Variants in PEAK1 observed in about 807,000 individuals in gnomAD.
The protein encoded by PEAK1 is inactive tyrosine-protein kinase PEAK1.
A neutral mutation model predicts 124.7 loss-of-function variants in PEAK1; 54 were observed. That is an observed-to-expected ratio of 0.43 (90% confidence interval 0.35 to 0.54). The LOEUF (loss-of-function observed/expected upper bound fraction) is 0.54, where lower values mean the gene tolerates loss of function less well. Ranked by LOEUF, PEAK1 falls within the 20% of genes least tolerant of loss-of-function variation. The probability of loss-of-function intolerance (pLI) is 0.01; values close to 1 mark genes in which losing one functional copy is unlikely to be tolerated. For synonymous variants in PEAK1, 719 were observed against 760.0 expected (o/e 0.95, Z 0.89); for missense variants, 2,046 against 2,134.5 (o/e 0.96, Z 0.82).
chr15:77,334,820 A>G, intron 2 of PEAK1: 1 of 985,308 alleles, frequency 1.0e-6, no homozygotes, highest in South Asian at 4.7e-5. Flanking sequence ...CTAATTTGCT[A>G]TTCACTGCAT....
chr15:77,321,342 G>C (rs2065202641), intron 2 of PEAK1, among the ~76,000 whole-genome samples: 1 of 152,100 alleles, frequency 6.6e-6, no homozygotes, highest in South Asian at 2.1e-4. Flanking sequence ...ACTTTTTAAT[G>C]ATCGCCATTC....
At chr15:77,272,602 C>T (rs949288159) in intron 5 of PEAK1, among the ~76,000 whole-genome samples, 3 of 151,540 alleles carry the variant, frequency 2.0e-5, no homozygotes, top group African/African-American at 7.3e-5. Flanking sequence ...AAGCAACAAG[C>T]ATGAAATGGT....
chr15:77,294,413 A>G (rs988242672), intron 2 of PEAK1, among the ~76,000 whole-genome samples: 2 of 152,242 alleles, frequency 1.3e-5, no homozygotes, highest in African/African-American at 4.8e-5. Flanking sequence ...GAAATAATAT[A>G]CCATTTTACT....
Position 77,181,289 on chromosome 15 carries a change from C to G in PEAK1, c.638G>C (p.Gly213Ala). Reference protein sequence around the residue: ...ETQGKHVILSGSTEVISNEGG... With the variant: ...ETQGKHVILSASTEVISNEGG... ...TTCATTACTAATCACTTCTGTGCTC[C>G]CACTCAGAATAACATGCTTGCCCTG... Residue 213 changes from glycine (G) to alanine (A), a missense_variant, in exon 7 of 10, where the codon GGG (glycine) becomes GCG (alanine). Transcript: ENST00000682557. The G allele has an allele frequency of 6.2e-7, 1 of 1,614,074 alleles. No homozygotes were observed. The highest frequency in any genetic ancestry group is 8.5e-7 in the Non-Finnish European group (1 of 1,180,022).
intron 6 of PEAK1, among the ~76,000 whole-genome samples, chr15:77,207,378 T>C (rs1055660015): frequency 1.1e-4 from 17 of 152,166 alleles, no homozygotes; most frequent in Non-Finnish European, 2.2e-4. Flanking sequence ...ATCTCAATTA[T>C]GAAAGGAAAA....
chr15:77,319,448 A>C (rs1597274126), intron 2 of PEAK1, among the ~76,000 whole-genome samples: 1 of 152,224 alleles, frequency 6.6e-6, no homozygotes, highest in East Asian at 1.9e-4. Context: ...TGATTTTTAA[A>C]GTTCTTAAAT....
chr15:77,358,867 A>G (rs541699615), intron 2 of PEAK1, among the ~76,000 whole-genome samples: 62 of 152,210 alleles, frequency 4.1e-4, no homozygotes, highest in Non-Finnish European at 8.2e-4. Flanking sequence ...AAACAATCTG[A>G]CTGTATCTAT....
At chr15:77,182,749 CA>C (rs71143395) in intron 6 of PEAK1, among the ~76,000 whole-genome samples, 102 of 65,142 alleles carry the variant, frequency 1.6e-3, no homozygotes, top group East Asian at 5.0e-3. Context: ...GACCTTGTCT[CA>C]AAAAAAAAAA....
intron 6 of PEAK1, among the ~76,000 whole-genome samples, chr15:77,210,263 A>G (rs1486091142): frequency 6.6e-6 from 1 of 152,200 alleles, no homozygotes; most frequent in East Asian, 1.9e-4. Context: ...TAAAGCTTCT[A>G]TCACTAAAGT....
chr15:77,193,803 T>TAACTAAACTAAACTAAACTA (rs56866442), intron 6 of PEAK1, among the ~76,000 whole-genome samples: 19 of 146,184 alleles, frequency 1.3e-4, no homozygotes, highest in Admixed American at 2.8e-4. Context: ...GACTCTATCT[T>TAACTAAACTAAACTAAACTA]AACTAAACTA....
At chr15:77,205,485 G>C (rs2058595586) in intron 6 of PEAK1, among the ~76,000 whole-genome samples, 1 of 151,972 alleles carries the variant, frequency 6.6e-6, no homozygotes, top group Non-Finnish European at 1.5e-5. Context: ...TTAATCTCTT[G>C]AACATTTTAA....
chr15:77,252,274 A>G (rs1030624676), intron 6 of PEAK1, 93 bp downstream of exon 6: 2 of 705,136 alleles, frequency 2.8e-6, no homozygotes, highest in Non-Finnish European at 3.5e-6. Context: ...ATAGTTTGGC[A>G]TTTAAGTTAA....
At position 77,112,089 on chromosome 15, in the gene PEAK1, C is replaced by T. The variant is rs973850565; in HGVS notation, c.*2067G>A. The T allele has an allele frequency of 1.3e-5, 2 of 152,228 alleles. No individual in the cohort carries two copies. Among genetic ancestry groups the T allele is most frequent in the African/African-American group, 4.8e-5 (2 of 41,452 alleles). 9.4% of individuals were successfully genotyped at this position (152,228 alleles called of 1,614,324 possible). The stretch of plus-strand genomic sequence containing the variant: ...CTGCTGGCCTGCAGCAGCATGCCCA[C>T]TCCATGGCCATTCCTAGGAGCAGAG... On this transcript the variant is annotated 3_prime_UTR_variant, in exon 10 of 10. Transcript: ENST00000682557.
intron 1 of PEAK1, among the ~76,000 whole-genome samples, chr15:77,395,448 C>G (rs910478435): frequency 6.6e-6 from 1 of 152,020 alleles, no homozygotes; most frequent in African/African-American, 2.4e-5. Context: ...TATTCAAGTA[C>G]AAGAATGTTA....
At chr15:77,212,650 T>C (rs1027367113) in intron 6 of PEAK1, among the ~76,000 whole-genome samples, 3 of 152,222 alleles carry the variant, frequency 2.0e-5, no homozygotes, top group Non-Finnish European at 2.9e-5. Flanking sequence ...CTATTCAACA[T>C]AGGCCAAAGG....
At chr15:77,136,364 C>G (rs2053326370) in intron 8 of PEAK1, among the ~76,000 whole-genome samples, 1 of 152,090 alleles carries the variant, frequency 6.6e-6, no homozygotes, top group Non-Finnish European at 1.5e-5. Context: ...GGAAGCAGAG[C>G]ATAAAAGTTC....
At chr15:77,350,909 G>A in intron 2 of PEAK1, 2 of 985,156 alleles carry the variant, frequency 2.0e-6, no homozygotes, top group Non-Finnish European at 2.4e-6. Flanking sequence ...CTACAAACAT[G>A]GCCCTCTATT....
rs376563390 is a variant in PEAK1 at position 77,181,013 on chromosome 15, C to A, written c.914G>T (p.Cys305Phe). The A allele has an allele frequency of 1.2e-6, 2 of 1,614,204 alleles. No individual in the cohort carries two copies. Among genetic ancestry groups the A allele is most frequent in the African/African-American group, 2.7e-5 (2 of 75,066 alleles). Reference protein sequence around the residue: ...PLRNKSLQRICAVDYDDSYDE... With the variant: ...PLRNKSLQRIFAVDYDDSYDE... ...ATAGCTGTCATCATAGTCCACAGCA[C>A]AGATTCTCTGCAGAGACTTGTTTCG... Residue 305 changes from cysteine (C) to phenylalanine (F), a missense_variant, in exon 7 of 10, where the codon TGT (cysteine) becomes TTT (phenylalanine). By Grantham distance (205) the Cys-to-Phe change is radical. Coordinates refer to ENST00000682557, the MANE Select transcript of PEAK1 (RefSeq NM_001385026.1).
At chr15:77,350,209 G>A in intron 2 of PEAK1, 2 of 985,424 alleles carry the variant, frequency 2.0e-6, no homozygotes, top group Non-Finnish European at 2.4e-6. Flanking sequence ...TTGGGTAGGT[G>A]AGAACACAAA....
Sources: allele counts gnomAD v4.1 joint callset (sites outside exome capture counted in the v4.1 genomes callset), GRCh38; gene constraint gnomAD v4.1.1; transcripts MANE v1.5; gene names NCBI Gene and HGNC (gene_info 2026-07-23, HGNC 2026-07-21).